DSCAML1: variants seen among roughly 807,000 people sequenced by gnomAD.
DSCAML1 encodes DS cell adhesion molecule like 1, also known as cell adhesion molecule DSCAML1.
In DSCAML1, 38 loss-of-function variants were observed where a neutral mutation model predicts 200.5. The ratio of observed to expected loss-of-function variants is 0.19; its 90% CI spans 0.15 to 0.25. The LOEUF (loss-of-function observed/expected upper bound fraction) is 0.25. DSCAML1 is among the 10% of genes least tolerant of loss of function. DSCAML1 has a pLI of 1.00. For missense variants in DSCAML1, 2,223 were observed against 2,858.8 expected, an observed-to-expected ratio of 0.78 and a Z score of 5.07; for synonymous variants, 1,215 against 1,165.0, an observed-to-expected ratio of 1.04 and a Z score of -0.87.
chr11:117,514,287 C>T (rs2049710055), intron 8 of DSCAML1, among the ~76,000 whole-genome samples: 1 of 152,268 alleles, frequency 6.6e-6, no homozygotes, highest in Non-Finnish European at 1.5e-5. Context: ...TTCCCCTCCC[C>T]ACTGCCCTGG....
In DSCAML1 at chr11:117,431,109, C is replaced by T. The variant is rs1006232698; in HGVS notation, c.5375-76G>A. 93 of 1,411,344 alleles carry T rather than the reference C, an allele frequency of 6.6e-5. 1 individual carries two copies. The highest frequency in any genetic ancestry group is 3.4e-4 in the African/African-American group (24 of 70,424). 87.4% of individuals were successfully genotyped at this position (1,411,344 alleles called of 1,614,324 possible). On this transcript the variant is annotated intron_variant, in intron 31 of 32. Transcript: ENST00000651296. ...AGACTGACTGAGCACTTCCCCTGCCCGTAACCCCAGCAGCCATCTGTAAGT... is the reference window on the plus strand; with the variant it reads ...AGACTGACTGAGCACTTCCCCTGCCTGTAACCCCAGCAGCCATCTGTAAGT...
rs117672544 is a variant in DSCAML1, at chr11:117,563,134, C to T, written c.512-30612G>A. ...CATTTCCTAGTGGTGTCTCACCCAC[C>T]CAATAGCTGGTCCTGGAGTGGAGGG... On this transcript the variant is annotated intron_variant, in intron 3 of 32. Transcript: ENST00000651296. Among the ~76,000 whole-genome samples the T allele has an allele frequency of 5.3e-5, 8 of 152,280 alleles. 1 individual carries two copies. In the East Asian group the frequency reaches 1.5e-3, roughly 29 times the overall value.
upstream of DSCAML1, among the ~76,000 whole-genome samples, chr11:117,798,826 C>T (rs1266380545): frequency 1.3e-5 from 2 of 152,144 alleles, no homozygotes; most frequent in African/African-American, 4.8e-5. Flanking sequence ...GTATCAGAAG[C>T]AAGACTAGAA....
At chr11:117,762,822 C>T (rs1481709191) in intron 3 of DSCAML1, among the ~76,000 whole-genome samples, 2 of 151,450 alleles carry the variant, frequency 1.3e-5, no homozygotes, top group Non-Finnish European at 1.5e-5. Context: ...AAGATCGTGC[C>T]ACTGCACTTC....
Position 117,439,347 on chromosome 11 carries a change from C to G in DSCAML1, c.4063G>C (p.Ala1355Pro), listed in dbSNP as rs199670279. The change falls in exon 23 of 33, where the codon GCT (alanine) becomes CCT (proline). Residue 1355 changes from alanine to proline, a missense_variant. Transcript: ENST00000651296. ...CACGTGTAGTAGCCAGAGTCCTCAG[C>G]CTTCACTGCACGCAGCAGCAGTGTG... Reference protein sequence around the residue: ...NGTLLLRAVKAEDSGYYTCTA... With the variant: ...NGTLLLRAVKPEDSGYYTCTA... 6.2e-7 allele frequency: 1 copy of G among 1,614,060 alleles called. No homozygotes were observed.
chr11:117,427,778 C>G lies in DSCAML1; in HGVS notation c.*550G>C, dbSNP rs1440495807. On this transcript the variant is annotated 3_prime_UTR_variant, in exon 33 of 33. Transcript: ENST00000651296. ...TGGGAAAAAAGCCACCACATAGAAA[C>G]ATAACCTTTATTGCACACGGCGCTG... 6.5e-6 allele frequency: 1 copy of G among 152,718 alleles called. No individual in the cohort carries two copies. Among genetic ancestry groups the G allele is most frequent in the African/African-American group, 2.4e-5 (1 of 41,468 alleles). The allele number at this position is 152,718 out of a possible 1,614,324, so 9.5% of individuals were successfully genotyped here. A position where few individuals can be genotyped will look rare whatever the true frequency, so the allele number is the denominator to read the frequency against.
At chr11:117,430,041 TGC>T (rs1330834190) in intron 32 of DSCAML1, among the ~76,000 whole-genome samples, 2 of 152,202 alleles carry the variant, frequency 1.3e-5, no homozygotes, top group Non-Finnish European at 2.9e-5. Flanking sequence ...GCATGGCCAG[TGC>T]TAAGCAGACC....
At chr11:117,681,141 C>T (rs186264503) in intron 3 of DSCAML1, among the ~76,000 whole-genome samples, 2 of 152,338 alleles carry the variant, frequency 1.3e-5, no homozygotes, top group Admixed American at 1.3e-4. Flanking sequence ...ACCCTTCTCT[C>T]TCCCACCCAC....
intron 20 of DSCAML1, among the ~76,000 whole-genome samples, chr11:117,445,504 G>T (rs568567429): frequency 1.3e-5 from 2 of 152,330 alleles, no homozygotes; most frequent in Non-Finnish European, 2.9e-5. Context: ...AGCCCGTAAG[G>T]TTGCCCATAG....
At chr11:117,648,070 C>G (rs2052553274) in intron 3 of DSCAML1, among the ~76,000 whole-genome samples, 1 of 152,228 alleles carries the variant, frequency 6.6e-6, no homozygotes. Flanking sequence ...TCTGCCCAGC[C>G]ACACCCACAA....
At chr11:117,550,786 A>G (rs2050455287) in intron 3 of DSCAML1, among the ~76,000 whole-genome samples, 1 of 152,096 alleles carries the variant, frequency 6.6e-6, no homozygotes, top group South Asian at 2.1e-4. Context: ...TGCACAATCG[A>G]TCACAAAACT....
chr11:117,605,756 G>A (rs1360869996), intron 3 of DSCAML1, among the ~76,000 whole-genome samples: 1 of 152,184 alleles, frequency 6.6e-6, no homozygotes, highest in East Asian at 1.9e-4. Flanking sequence ...CCCCAGGGGA[G>A]TTGTAGAGAA....
intron 3 of DSCAML1, among the ~76,000 whole-genome samples, chr11:117,745,622 G>A (rs1216930849): frequency 2.0e-5 from 3 of 152,214 alleles, no homozygotes; most frequent in Non-Finnish European, 4.4e-5. Context: ...ATGTGAGACA[G>A]GTGTCCTGGC....
chr11:117,741,973 T>C (rs1353351688), intron 3 of DSCAML1, among the ~76,000 whole-genome samples: 1 of 152,164 alleles, frequency 6.6e-6, no homozygotes, highest in Non-Finnish European at 1.5e-5. Flanking sequence ...TCATGACCCC[T>C]GAGAAAGGTT....
At chr11:117,444,643 G>A (rs1295754049) in intron 20 of DSCAML1, among the ~76,000 whole-genome samples, 1 of 152,150 alleles carries the variant, frequency 6.6e-6, no homozygotes, top group African/African-American at 2.4e-5. Context: ...ATATATATTT[G>A]TAGGTTATAC....
At chr11:117,738,916 T>C (rs1250299031) in intron 3 of DSCAML1, among the ~76,000 whole-genome samples, 1 of 152,176 alleles carries the variant, frequency 6.6e-6, no homozygotes, top group Non-Finnish European at 1.5e-5. Context: ...AAGAGATGTA[T>C]TGTCACATCC....
chr11:117,804,929 A>G (rs1451292694), intron 1 of DSCAML1, among the ~76,000 whole-genome samples: 5 of 118,952 alleles, frequency 4.2e-5, no homozygotes, highest in Non-Finnish European at 7.7e-5. Context: ...TGTCTCATAA[A>G]AGAAAAAAAA....
Position 117,443,876 on chromosome 11 carries a change from G to A in DSCAML1, c.3862+10C>T. The A allele has an allele frequency of 6.3e-7, 1 of 1,591,416 alleles. No homozygotes were observed. The highest frequency in any genetic ancestry group is 8.6e-7 in the Non-Finnish European group (1 of 1,169,522). On this transcript the variant is annotated intron_variant, in intron 21 of 32. Coordinates refer to ENST00000651296, the MANE Select transcript of DSCAML1 (RefSeq NM_020693.4). ...TGTTTGCCCCTCTGCCACAGCCTCAGGCTTCTCACCCTTGCCAGCAGGCTC... is the reference window on the plus strand; with the variant it reads ...TGTTTGCCCCTCTGCCACAGCCTCAAGCTTCTCACCCTTGCCAGCAGGCTC...
At chr11:117,792,389 G>A (rs1468131222) in intron 1 of DSCAML1, among the ~76,000 whole-genome samples, 2 of 152,074 alleles carry the variant, frequency 1.3e-5, no homozygotes, top group South Asian at 2.1e-4. Context: ...GCTGGGAGGG[G>A]CCACTCAGCT....
Sources: gnomAD v4.1 joint callset for allele counts (sites outside exome capture counted in the v4.1 genomes callset) on GRCh38, gnomAD v4.1.1 for gene constraint, MANE v1.5 for transcripts, NCBI Gene and HGNC (gene_info 2026-07-23, HGNC 2026-07-21) for gene names.